Variants in PLVAP observed in about 807,000 individuals in gnomAD.
PLVAP encodes the protein plasmalemma vesicle associated protein.
Under a neutral mutation model 43.1 loss-of-function variants are expected in PLVAP, and 34 were observed. That is an observed-to-expected ratio of 0.79 (90% CI 0.60 to 1.05). The LOEUF (loss-of-function observed/expected upper bound fraction) is 1.05. Among genes scored for constraint, PLVAP ranks in the 50% least tolerant of loss-of-function variants. The pLI, the probability that PLVAP is intolerant of heterozygous loss-of-function variation, is 0.00. For synonymous variants in PLVAP, 241 were observed against 237.3 expected (o/e 1.02, Z -0.14); for missense variants, 574 against 593.4 (o/e 0.97, Z 0.34).
chr19:17,371,515 G>T (rs778642793), intron 1 of PLVAP, among the ~76,000 whole-genome samples: 3 of 151,024 alleles, frequency 2.0e-5, no homozygotes, highest in African/African-American at 2.4e-5. Flanking sequence ...TTTGAGACAT[G>T]GTCTCACTCT....
intron 3 of PLVAP, among the ~76,000 whole-genome samples, chr19:17,361,202 C>T (rs1442666634): frequency 6.6e-6 from 1 of 152,148 alleles, no homozygotes; most frequent in Non-Finnish European, 1.5e-5. Flanking sequence ...AGGCATGAAC[C>T]ACTGCACCCG....
chr19:17,353,536 T>A (rs1261035659), intron 5 of PLVAP, among the ~76,000 whole-genome samples: 1 of 152,080 alleles, frequency 6.6e-6, no homozygotes, highest in Non-Finnish European at 1.5e-5. Flanking sequence ...CACACCGGCC[T>A]CTTCCCTCAA....
chr19:17,374,826 G>GTATT (rs77475534), intron 1 of PLVAP, among the ~76,000 whole-genome samples: 43,236 of 149,296 alleles, frequency 0.29, 6,643 homozygotes, highest in Non-Finnish European at 0.35. Context: ...ATGTATGTAT[G>GTATT]TATTTATTTT....
intron 3 of PLVAP, 82 bp from the exon 4 acceptor site, chr19:17,360,914 CTTTTT>C (rs71336607): frequency 2.6e-4 from 239 of 903,588 alleles, no homozygotes; most frequent in Middle Eastern, 6.7e-4. Flanking sequence ...TTTTCTTTTT[CTTTTT>C]TTTTTTTTTT....
chr19:17,372,899 A>C (rs67916503), intron 1 of PLVAP, among the ~76,000 whole-genome samples: 51,431 of 140,064 alleles, frequency 0.37, 9,151 homozygotes, highest in African/African-American at 0.42. Flanking sequence ...CGTCTCTACT[A>C]AAAATACAAA....
chr19:17,371,619 T>G (rs2074572442), intron 1 of PLVAP, among the ~76,000 whole-genome samples: 1 of 152,070 alleles, frequency 6.6e-6, no homozygotes, highest in East Asian at 1.9e-4. Context: ...GTCTCTCAAG[T>G]AGCTGGGATT....
Position 17,365,998 on chromosome 19 carries a change from G to T in PLVAP, c.467C>A (p.Ala156Asp). Reference sequence around the variant, plus strand: ...CTTCTGATTCAGCATGAAGAGCAAGGCTAAGGAAAACAGGACCAGGAGACC... The same window carrying T: ...CTTCTGATTCAGCATGAAGAGCAAGTCTAAGGAAAACAGGACCAGGAGACC... ...QFKDMNKSCD[A>D]LLFMLNQKVK... The change falls in exon 3 of 6, where the codon GCC (alanine) becomes GAC (aspartate). Residue 156 changes from alanine (A) to aspartate (D), a missense_variant and splice_region_variant. Transcript: ENST00000252590. The T allele has an allele frequency of 6.2e-7, 1 of 1,612,496 alleles. No homozygotes were observed. The highest frequency in any genetic ancestry group is 8.5e-7 in the Non-Finnish European group (1 of 1,178,738).
At chr19:17,359,341 TG>T (rs1234700129) in intron 5 of PLVAP, among the ~76,000 whole-genome samples, 1 of 151,658 alleles carries the variant, frequency 6.6e-6, no homozygotes, top group African/African-American at 2.4e-5. Flanking sequence ...TTTGAACTCC[TG>T]AGCTCAAGTG....
Position 17,376,968 on chromosome 19 carries a change from G to C in PLVAP, c.321C>G (p.Arg107=), listed in dbSNP as rs181770634. ...AGCTGGCATTGATGCGGTCCAGGTC[G>C]CGGCGAGCATTCAGCCACATCTGCA... The part of the protein sequence containing the change: ...AIMQMWLNAR[R]DLDRINASFR... The change falls in exon 1 of 6, where the codon CGC becomes CGG. Residue 107 remains arginine, a synonymous_variant. Transcript: ENST00000252590. 6.2e-7 allele frequency: 1 copy of C among 1,614,104 alleles called. No individual in the cohort carries two copies. Among genetic ancestry groups the C allele is most frequent in the South Asian group, 1.1e-5 (1 of 91,084 alleles).
In PLVAP at chr19:17,377,211, G is replaced by A. The variant is rs763596870; in HGVS notation, c.78C>T (p.Arg26=). ...TGAGGGAGACGAAGAGGAAGAAGTA[G>A]CGCAGGTAATACCAGCAGCCCCGAG... ...GSSRGCWYYL[R]YFFLFVSLIQ... Residue 26 remains arginine, a synonymous_variant, in exon 1 of 6, where the codon CGC becomes CGT. Coordinates refer to ENST00000252590, the MANE Select transcript of PLVAP (RefSeq NM_031310.3). The A allele has an allele frequency of 2.5e-6, 4 of 1,614,044 alleles. No homozygotes were observed. Among genetic ancestry groups the A allele is most frequent in the African/African-American group, 2.7e-5 (2 of 74,916 alleles).
chr19:17,353,503 C>T (rs1251803547), intron 5 of PLVAP, among the ~76,000 whole-genome samples: 1 of 152,116 alleles, frequency 6.6e-6, no homozygotes, highest in South Asian at 2.1e-4. Context: ...TCCTCCCGTT[C>T]CCCTCCATCA....
intron 1 of PLVAP, among the ~76,000 whole-genome samples, chr19:17,371,917 C>G (rs1208111682): frequency 2.0e-5 from 3 of 152,102 alleles, no homozygotes; most frequent in Non-Finnish European, 4.4e-5. Flanking sequence ...CTGCAACTCT[C>G]TGTCCTTCAT....
chr19:17,375,339 G>A (rs2074590698), intron 1 of PLVAP, among the ~76,000 whole-genome samples: 2 of 152,110 alleles, frequency 1.3e-5, no homozygotes, highest in South Asian at 4.1e-4. Flanking sequence ...TGCATAGTAA[G>A]TTATGGGCTC....
At chr19:17,353,056 G>A (rs1231162819) in intron 5 of PLVAP, among the ~76,000 whole-genome samples, 1 of 152,216 alleles carries the variant, frequency 6.6e-6, no homozygotes, top group Admixed American at 6.5e-5. Context: ...CCTGGGCCTG[G>A]CAGAGGTTCC....
chr19:17,360,351 G>A (rs1189283081), intron 5 of PLVAP, among the ~76,000 whole-genome samples, 177 bp downstream of exon 5: 2 of 152,124 alleles, frequency 1.3e-5, no homozygotes, highest in Non-Finnish European at 2.9e-5. Context: ...GACAGGACTG[G>A]GTGTGTCTTG....
At chr19:17,369,513 T>C (rs2074563471) in intron 1 of PLVAP, among the ~76,000 whole-genome samples, 1 of 149,818 alleles carries the variant, frequency 6.7e-6, no homozygotes, top group East Asian at 2.0e-4. Flanking sequence ...CGCATGCTTG[T>C]AGTCCCAGCT....
chr19:17,363,826 T>G (rs1179997762), intron 3 of PLVAP, among the ~76,000 whole-genome samples: 3 of 147,880 alleles, frequency 2.0e-5, no homozygotes, highest in Non-Finnish European at 4.4e-5. Context: ...CACTGCAAGC[T>G]CTGCCTCCCG....
intron 3 of PLVAP, among the ~76,000 whole-genome samples, chr19:17,361,356 A>G (rs1455861250): frequency 6.6e-6 from 1 of 152,158 alleles, no homozygotes; most frequent in African/African-American, 2.4e-5. Context: ...GGACACCACA[A>G]GATGGCTTGG....
rs1360892424 is a variant in PLVAP, at chr19:17,376,997, T to G, written c.292A>C (p.Ile98Leu). The G allele has an allele frequency of 6.2e-7, 1 of 1,614,080 alleles. No individual in the cohort carries two copies. The highest frequency in any genetic ancestry group is 1.6e-4 in the Middle Eastern group (1 of 6,062). The change falls in exon 1 of 6, where the codon ATC becomes CTC. Residue 98 changes from isoleucine to leucine, a missense_variant. Coordinates refer to ENST00000252590, the MANE Select transcript of PLVAP (RefSeq NM_031310.3). ...CGAGCATTCAGCCACATCTGCATGA[T>G]GGCATCCTTGGCGCGGGTGGTGAAG... ...LNFTTRAKDA[I>L]MQMWLNARRD...
Sources: gnomAD v4.1 joint callset for allele counts (sites outside exome capture counted in the v4.1 genomes callset) on GRCh38, gnomAD v4.1.1 for gene constraint, MANE v1.5 for transcripts, NCBI Gene and HGNC (gene_info 2026-07-23, HGNC 2026-07-21) for gene names.